BDNF: variants seen among roughly 807,000 people sequenced by gnomAD.
BDNF encodes the protein neurotrophic factor BDNF precursor form.
In BDNF, 1 loss-of-function variant was observed where a neutral mutation model predicts 19.5. The observed-to-expected ratio is 0.05, with a 90% CI of 0.02 to 0.24. BDNF has a LOEUF of 0.24. Among genes scored for constraint, BDNF ranks in the 10% least tolerant of loss-of-function variants. BDNF has a pLI of 1.00. For synonymous variants in BDNF, 100 were observed against 121.6 expected (o/e 0.82, Z 1.17); for missense variants, 195 against 317.6 (o/e 0.61, Z 2.93).
At chr11:27,662,942 A>T (rs1402796556) in intron 1 of BDNF, among the ~76,000 whole-genome samples, 1 of 152,240 alleles carries the variant, frequency 6.6e-6, no homozygotes, top group African/African-American at 2.4e-5. Context: ...CCTTACTTGA[A>T]TAATTAAAAA....
chr11:27,664,009 C>A (rs72878175), intron 1 of BDNF, among the ~76,000 whole-genome samples: 4,673 of 151,228 alleles, frequency 0.031, 163 homozygotes, highest in African/African-American at 0.082. Context: ...AAACAAGCAA[C>A]AGTACAGATA....
chr11:27,716,450 C>CAG (rs1590503559), intron 1 of BDNF, among the ~76,000 whole-genome samples: 2 of 93,256 alleles, frequency 2.1e-5, no homozygotes, highest in East Asian at 3.0e-4. Flanking sequence ...TACACACACA[C>CAG]ACACAGACAC....
chr11:27,719,148 G>A (rs1033233233), intron 1 of BDNF, among the ~76,000 whole-genome samples: 2 of 152,164 alleles, frequency 1.3e-5, no homozygotes, highest in African/African-American at 2.4e-5. Flanking sequence ...GCAGGCGGGG[G>A]CGGGAGAGGT....
At chr11:27,705,212 G>A (rs36211436), upstream of BDNF, among the ~76,000 whole-genome samples, 1,252 of 152,252 alleles carry the variant, frequency 8.2e-3, 15 homozygotes, top group Non-Finnish European at 0.011. Context: ...TTCTATAAGC[G>A]TGGTCAAAAG....
chr11:27,669,587 A>G (rs1854990253), intron 1 of BDNF, among the ~76,000 whole-genome samples: 2 of 152,206 alleles, frequency 1.3e-5, no homozygotes, highest in African/African-American at 4.8e-5. Flanking sequence ...ATGTGCAAAA[A>G]TCACAAGCAT....
chr11:27,665,818 C>T (rs1030944237), intron 1 of BDNF, among the ~76,000 whole-genome samples: 4 of 152,308 alleles, frequency 2.6e-5, no homozygotes, highest in Non-Finnish European at 5.9e-5. Flanking sequence ...GCCTGCCTGC[C>T]TCTGTAGACT....
At chr11:27,674,339 T>C (rs1202108479) in intron 1 of BDNF, 1 of 1,541,896 alleles carries the variant, frequency 6.5e-7, no homozygotes, top group African/African-American at 1.4e-5. Flanking sequence ...TTTTAATTAC[T>C]TAACTGTAAA....
chr11:27,701,459 C>G, upstream of BDNF: 2 of 995,456 alleles, frequency 2.0e-6, no homozygotes, highest in Non-Finnish European at 2.4e-6. Flanking sequence ...TCCTTCTGTT[C>G]TGCAGCAAAG....
At chr11:27,699,366 G>C in intron 1 of BDNF, 2 of 1,613,960 alleles carry the variant, frequency 1.2e-6, no homozygotes, top group Non-Finnish European at 8.5e-7. Context: ...TTTCTTTCCA[G>C]GAGTAACTCA....
At position 27,709,776 on chromosome 11, in the gene BDNF, C is replaced by T. The variant is rs182290399; in HGVS notation, c.3+11636G>A. 2.2e-4 allele frequency among the ~76,000 whole-genome samples: 33 copies of T among 152,206 alleles called. No individual in the cohort carries two copies. The East Asian group carries it at 6.0e-3, about 28-fold the overall frequency. On this transcript the variant is annotated intron_variant, in intron 1 of 1. Coordinates refer to the BDNF transcript ENST00000314915. ...ATCTACCACTGTGCACCTCAGTTGCCCAATCAATCAAATGAGGTCAGTGGG... is the reference window on the plus strand; with the variant it reads ...ATCTACCACTGTGCACCTCAGTTGCTCAATCAATCAAATGAGGTCAGTGGG...
chr11:27,720,231 C>G, intron 1 of BDNF: 1 of 735,238 alleles, frequency 1.4e-6, no homozygotes, highest in Non-Finnish European at 1.7e-6. Context: ...CAAGAAACAA[C>G]CCCCTCTCAT....
chr11:27,662,371 G>T (rs1205003381), intron 1 of BDNF, among the ~76,000 whole-genome samples: 1 of 152,134 alleles, frequency 6.6e-6, no homozygotes, highest in East Asian at 1.9e-4. Flanking sequence ...TTACTGATAG[G>T]TTTATTAAAC....
chr11:27,702,082 C>A (rs1859929089), upstream of BDNF, among the ~76,000 whole-genome samples: 1 of 151,290 alleles, frequency 6.6e-6, no homozygotes, highest in African/African-American at 2.4e-5. Flanking sequence ...AGGACATTTT[C>A]AATTATCCAT....
chr11:27,698,226 C>CAAAAAAAAAAAAAAAAAAAAAAAA lies in BDNF; in HGVS notation c.-22+1914_-22+1937dup, dbSNP rs10626744. ...CCTGCTAACCCAGAGGTAAATTTCC[C>CAAAAAAAAAAAAAAAAAAAAAAAA]AAAAAAAAAAAAAAAAAAAAAAAAA... On this transcript the variant is annotated intron_variant, in intron 1 of 1. Transcript: ENST00000356660. The CAAAAAAAAAAAAAAAAAAAAAAAA allele has an allele frequency of 4.1e-4, 33 of 80,820 alleles. 7 individuals carry two copies. The highest frequency in any genetic ancestry group is 2.4e-3 in the East Asian group (5 of 2,058). The allele number at this position is 80,820 out of a possible 1,614,324, so 5.0% of individuals were successfully genotyped here. A position where few individuals can be genotyped will look rare whatever the true frequency, so the allele number is the denominator to read the frequency against.
intron 1 of BDNF, among the ~76,000 whole-genome samples, chr11:27,682,775 ATG>A (rs1276899955): frequency 6.6e-6 from 1 of 152,108 alleles, no homozygotes; most frequent in Non-Finnish European, 1.5e-5. Context: ...TCCATGGTGT[ATG>A]TGTGTCACAT....
At position 27,657,295 on chromosome 11, in the gene BDNF, C is replaced by A. The variant is rs1414437503; in HGVS notation, c.*526G>T. On this transcript the variant is annotated 3_prime_UTR_variant, in exon 2 of 2. Coordinates refer to ENST00000356660, the MANE Select transcript of BDNF (RefSeq NM_001709.5). This position sits in a 1 kb window ranked among gnomAD's most constrained non-coding sequence, Gnocchi z 5.0. ...AAAAATATACCCCCCATCCCCCATC[C>A]CCTAAGCCAGTAAAGCAATGACAAC... The A allele has an allele frequency of 3.0e-5, 30 of 989,314 alleles. No individual in the cohort carries two copies. Among genetic ancestry groups the A allele is most frequent in the Non-Finnish European group, 3.6e-5 (30 of 832,308 alleles). The allele number at this position is 989,314 out of a possible 1,614,324, so 61.3% of individuals were successfully genotyped here. A position where few individuals can be genotyped will look rare whatever the true frequency, so the allele number is the denominator to read the frequency against.
chr11:27,666,592 G>A (rs983396350), intron 1 of BDNF, among the ~76,000 whole-genome samples: 3 of 152,186 alleles, frequency 2.0e-5, no homozygotes, highest in Admixed American at 2.0e-4. Context: ...ATGACCTGAT[G>A]GAGCTGAAAA....
intron 1 of BDNF, among the ~76,000 whole-genome samples, chr11:27,708,371 A>G (rs1370781424): frequency 6.6e-6 from 1 of 152,232 alleles, no homozygotes; most frequent in Non-Finnish European, 1.5e-5. Context: ...AATTAGAGCA[A>G]AGTGAGTAAA....
chr11:27,662,421 C>A (rs139166493), intron 1 of BDNF, among the ~76,000 whole-genome samples: 2 of 152,128 alleles, frequency 1.3e-5, no homozygotes, highest in South Asian at 4.1e-4. Context: ...TCGTAAGAAG[C>A]CTTTTCATTT....
Sources: gnomAD v4.1 joint callset for allele counts (sites outside exome capture counted in the v4.1 genomes callset) on GRCh38, gnomAD v4.1.1 for gene constraint, Gnocchi (gnomAD v3.1) non-coding constraint, MANE v1.5 for transcripts, NCBI Gene and HGNC (gene_info 2026-07-23, HGNC 2026-07-21) for gene names.